Variants in DLGAP4 observed in about 807,000 individuals in gnomAD.
DLGAP4 encodes disks large-associated protein 4.
Under a neutral mutation model 86.9 loss-of-function variants are expected in DLGAP4, and 18 were observed. The observed-to-expected ratio is 0.21, with a 90% CI of 0.14 to 0.31. The LOEUF (loss-of-function observed/expected upper bound fraction) is 0.31, where lower values mean the gene tolerates loss of function less well. Ranked by LOEUF, DLGAP4 falls within the 10% of genes least tolerant of loss-of-function variation. The probability of loss-of-function intolerance (pLI) is 1.00; values close to 1 mark genes in which losing one functional copy is unlikely to be tolerated. For missense variants in DLGAP4, 1,085 were observed against 1,362.6 expected, an observed-to-expected ratio of 0.80 and a Z score of 3.21; for synonymous variants, 548 against 574.3, an observed-to-expected ratio of 0.95 and a Z score of 0.65.
intron 1 of DLGAP4, among the ~76,000 whole-genome samples, chr20:36,316,629 C>T (rs2065102841): frequency 6.6e-6 from 1 of 152,184 alleles, no homozygotes; most frequent in Non-Finnish European, 1.5e-5. Flanking sequence ...TGAGTGTTAC[C>T]TGAGCATTGT....
chr20:36,380,888 A>G (rs1600459212), intron 2 of DLGAP4, among the ~76,000 whole-genome samples: 1 of 152,212 alleles, frequency 6.6e-6, no homozygotes, highest in East Asian at 1.9e-4. Flanking sequence ...GACTTCCTGG[A>G]AGCCCCACTT....
intron 11 of DLGAP4, among the ~76,000 whole-genome samples, chr20:36,525,238 A>AAAAAAAG: frequency 7.8e-6 from 1 of 128,380 alleles, no homozygotes; most frequent in Non-Finnish European, 1.7e-5. Context: ...AAAAAAAAAA[A>AAAAAAAG]AAAAAAAAAA....
At chr20:36,426,317 C>T (rs1476235643) in intron 2 of DLGAP4, among the ~76,000 whole-genome samples, 4 of 152,130 alleles carry the variant, frequency 2.6e-5, no homozygotes, top group African/African-American at 9.7e-5. Flanking sequence ...GAGTTCAAGA[C>T]CAGCCTGGCC....
At chr20:36,345,026 C>T (rs1396215705) in intron 1 of DLGAP4, among the ~76,000 whole-genome samples, 10 of 152,198 alleles carry the variant, frequency 6.6e-5, no homozygotes, top group Admixed American at 6.5e-4. Flanking sequence ...GGAACTTGGG[C>T]TTGGGAAGCT....
chr20:36,447,901 TGG>T (rs71184097), intron 7 of DLGAP4, among the ~76,000 whole-genome samples: 12 of 52,332 alleles, frequency 2.3e-4, no homozygotes, highest in African/African-American at 7.9e-4. Context: ...ATCAGGGGGG[TGG>T]GGGGGGGGGA....
chr20:36,361,675 T>A (rs2030525870), intron 1 of DLGAP4, among the ~76,000 whole-genome samples: 1 of 151,916 alleles, frequency 6.6e-6, no homozygotes, highest in African/African-American at 2.4e-5. Flanking sequence ...GGAGGTTTTT[T>A]AAAAAGATAG....
chr20:36,340,329 A>G (rs1409285356), intron 1 of DLGAP4, among the ~76,000 whole-genome samples: 3 of 151,794 alleles, frequency 2.0e-5, no homozygotes, highest in Non-Finnish European at 4.4e-5. Context: ...CCCATGCCGC[A>G]CCCACACTGC....
At chr20:36,499,215 T>C (rs1279482750) in intron 8 of DLGAP4, 4 of 1,593,504 alleles carry the variant, frequency 2.5e-6, no homozygotes, top group East Asian at 2.2e-5. Context: ...TCGTCCTTTT[T>C]TTTTTTTCTC....
At chr20:36,307,198 G>A (rs930204039) in intron 1 of DLGAP4, among the ~76,000 whole-genome samples, 4 of 152,178 alleles carry the variant, frequency 2.6e-5, no homozygotes, top group Non-Finnish European at 4.4e-5. Flanking sequence ...GGCTGGGGGG[G>A]CACTCACATG....
chr20:36,446,641 T>C (rs553324985), intron 6 of DLGAP4, 56 bp from the exon 7 acceptor site: 385 of 1,525,862 alleles, frequency 2.5e-4, no homozygotes, highest in Non-Finnish European at 3.2e-4. Context: ...CAAGAACCGC[T>C]CCCCCCAGGA....
In DLGAP4 at chr20:36,477,004, A is replaced by T. The variant is rs536049970; in HGVS notation, c.1649-19701A>T. Among the ~76,000 whole-genome samples the T allele has an allele frequency of 2.7e-5, 4 of 148,214 alleles. No individual in the cohort carries two copies. In the South Asian group the frequency reaches 6.4e-4, roughly 24 times the overall value. On this transcript the variant is annotated intron_variant, in intron 7 of 12. Coordinates refer to ENST00000339266, the MANE Select transcript of DLGAP4 (RefSeq NM_001365621.2). Reference sequence around the variant, plus strand: ...TACCATGCCCAGCCCTCTCTGGCCCATTTTAAGGAGATATATTTGAAGGGC... The same window carrying T: ...TACCATGCCCAGCCCTCTCTGGCCCTTTTTAAGGAGATATATTTGAAGGGC...
chr20:36,374,509 A>G (rs187413053), intron 2 of DLGAP4, among the ~76,000 whole-genome samples: 214 of 152,278 alleles, frequency 1.4e-3, no homozygotes, highest in African/African-American at 4.7e-3. Flanking sequence ...CCAGGGTAAG[A>G]ACTTGGACTT....
At chr20:36,468,958 C>T (rs772832293) in intron 7 of DLGAP4, among the ~76,000 whole-genome samples, 36 of 152,276 alleles carry the variant, frequency 2.4e-4, no homozygotes, top group Admixed American at 3.9e-4. Context: ...TGTTTCAGCA[C>T]GTTGGTTCTG....
At chr20:36,493,537 G>C (rs1255544393) in intron 7 of DLGAP4, among the ~76,000 whole-genome samples, 4 of 152,210 alleles carry the variant, frequency 2.6e-5, no homozygotes, top group African/African-American at 7.2e-5. Flanking sequence ...CTCTGCCTCC[G>C]TCGAGGCCCT....
rs75286149 is a variant in DLGAP4, at chr20:36,458,793, C to G, written c.1648+11856C>G. On this transcript the variant is annotated intron_variant, in intron 7 of 12. Transcript: ENST00000339266. ...CGAGAAGTGGGTGATATGGGAATAC[C>G]AGGGTGATGATGGTGGCTTAGGCAG... is the stretch of plus-strand genomic sequence containing the variant. 8.9e-3 allele frequency among the ~76,000 whole-genome samples: 1,355 copies of G among 152,144 alleles called. 48 individuals carry two copies. Among genetic ancestry groups the G allele is most frequent in the East Asian group, 0.063 (325 of 5,168 alleles).
intron 1 of DLGAP4, among the ~76,000 whole-genome samples, chr20:36,307,192 G>T (rs2065011588): frequency 6.6e-6 from 1 of 150,848 alleles, no homozygotes; most frequent in Non-Finnish European, 1.5e-5. Context: ...CACCTGGGCT[G>T]GGGGGGCACT....
intron 1 of DLGAP4, among the ~76,000 whole-genome samples, chr20:36,333,443 C>T (rs922999691): frequency 8.5e-5 from 13 of 152,100 alleles, no homozygotes; most frequent in Non-Finnish European, 4.4e-5. Context: ...TGGTGGATTC[C>T]CGTGCATGTT....
chr20:36,462,004 G>A, intron 7 of DLGAP4: 1 of 985,006 alleles, frequency 1.0e-6, no homozygotes, highest in Non-Finnish European at 1.2e-6. Context: ...ATCTTTTGGG[G>A]TTCCCCTTGA....
intron 10 of DLGAP4, among the ~76,000 whole-genome samples, chr20:36,523,089 TATG>T (rs2037477480): frequency 6.6e-6 from 1 of 152,120 alleles, no homozygotes; most frequent in African/African-American, 2.4e-5. Flanking sequence ...GCCAGTACTT[TATG>T]ATTTTTTTGA....
Sources: allele counts gnomAD v4.1 joint callset (sites outside exome capture counted in the v4.1 genomes callset), GRCh38; gene constraint gnomAD v4.1.1; transcripts MANE v1.5; gene names NCBI Gene and HGNC (gene_info 2026-07-23, HGNC 2026-07-21).